RSPO2: variants seen among roughly 807,000 people sequenced by gnomAD.
The protein encoded by RSPO2 is R-spondin 2.
Under a neutral mutation model 30.9 loss-of-function variants are expected in RSPO2, and 14 were observed. The ratio of observed to expected loss-of-function variants is 0.45; its 90% CI spans 0.30 to 0.71. The LOEUF is 0.71. Ranked by LOEUF, RSPO2 falls within the 30% of genes least tolerant of loss-of-function variation. The probability of loss-of-function intolerance (pLI) is 0.08; values close to 1 mark genes in which losing one functional copy is unlikely to be tolerated. For synonymous variants in RSPO2, 107 were observed against 96.4 expected, an observed-to-expected ratio of 1.11 and a Z score of -0.64; for missense variants, 264 against 301.9, an observed-to-expected ratio of 0.87 and a Z score of 0.93.
At chr8:107,905,217 T>A (rs1811599421) in intron 5 of RSPO2, among the ~76,000 whole-genome samples, 1 of 152,074 alleles carries the variant, frequency 6.6e-6, no homozygotes, top group Non-Finnish European at 1.5e-5. Flanking sequence ...ACTGGAAAAA[T>A]GTTTCTTGTA....
intron 2 of RSPO2, among the ~76,000 whole-genome samples, chr8:108,060,945 G>A (rs1489467438): frequency 6.6e-6 from 1 of 151,684 alleles, no homozygotes; most frequent in Non-Finnish European, 1.5e-5. Context: ...AGCTTCATAA[G>A]TGAAGGAGAA....
chr8:107,939,606 T>C (rs1471232850), intron 5 of RSPO2, among the ~76,000 whole-genome samples: 2 of 151,754 alleles, frequency 1.3e-5, no homozygotes, highest in African/African-American at 2.4e-5. Flanking sequence ...GAGAGTAAAG[T>C]ACTAACAGTT....
intron 5 of RSPO2, among the ~76,000 whole-genome samples, chr8:107,953,289 C>T (rs2130418276): frequency 1.3e-5 from 2 of 152,242 alleles, no homozygotes; most frequent in South Asian, 4.1e-4. Context: ...AGAGGGCTGG[C>T]TTTGAAAGAT....
chr8:108,015,894 T>C (rs951626940), intron 2 of RSPO2, among the ~76,000 whole-genome samples: 4 of 152,034 alleles, frequency 2.6e-5, no homozygotes, highest in Non-Finnish European at 4.4e-5. Flanking sequence ...CCAAGAAAAA[T>C]AAGACGCCAA....
chr8:107,910,636 T>C (rs868779491), intron 5 of RSPO2, among the ~76,000 whole-genome samples: 9 of 152,176 alleles, frequency 5.9e-5, no homozygotes, highest in Non-Finnish European at 2.9e-5. Context: ...GGATGTATGC[T>C]CCACAAAGAA....
At chr8:108,024,028 C>T (rs1811129133) in intron 2 of RSPO2, among the ~76,000 whole-genome samples, 1 of 152,076 alleles carries the variant, frequency 6.6e-6, no homozygotes, top group Admixed American at 6.5e-5. Flanking sequence ...ACTAAAATTT[C>T]ATGGTGTGTT....
chr8:107,976,404 G>T (rs926282016), intron 3 of RSPO2, among the ~76,000 whole-genome samples: 1 of 152,222 alleles, frequency 6.6e-6, no homozygotes. Flanking sequence ...CTCTGAGCTT[G>T]TCAGAGTGCA....
intron 2 of RSPO2, among the ~76,000 whole-genome samples, chr8:108,005,609 CTTTG>C (rs1388017126): frequency 6.6e-6 from 1 of 152,044 alleles, no homozygotes; most frequent in African/African-American, 2.4e-5. Context: ...CTGTTACTGT[CTTTG>C]TTTAATACTC....
intron 5 of RSPO2, among the ~76,000 whole-genome samples, chr8:107,912,178 T>C (rs1811846728): frequency 6.6e-6 from 1 of 152,128 alleles, no homozygotes; most frequent in Admixed American, 6.6e-5. Context: ...AAACCTGTGG[T>C]TCCAAAAGCC....
At chr8:107,970,362 A>G (rs1813953099) in intron 3 of RSPO2, among the ~76,000 whole-genome samples, 2 of 152,182 alleles carry the variant, frequency 1.3e-5, no homozygotes, top group African/African-American at 4.8e-5. Flanking sequence ...GGCCCTAACA[A>G]AAAGATAGCA....
chr8:108,034,784 T>C (rs1345207304), intron 2 of RSPO2, among the ~76,000 whole-genome samples: 2 of 152,178 alleles, frequency 1.3e-5, no homozygotes, highest in African/African-American at 4.8e-5. Context: ...AATTGTGAAA[T>C]GGCCAGTCTG....
chr8:108,038,623 T>TA (rs1167995270), intron 2 of RSPO2, among the ~76,000 whole-genome samples: 3 of 152,072 alleles, frequency 2.0e-5, no homozygotes, highest in East Asian at 1.9e-4. Context: ...TGTCTTCTTT[T>TA]AAAAAAACTG....
chr8:108,044,715 T>C (rs375831953), intron 2 of RSPO2, among the ~76,000 whole-genome samples: 1 of 152,260 alleles, frequency 6.6e-6, no homozygotes, highest in African/African-American at 2.4e-5. Context: ...TCTTTGGGTA[T>C]ATACGTGGTA....
At chr8:107,962,434 T>C (rs1813658123) in intron 3 of RSPO2, among the ~76,000 whole-genome samples, 1 of 152,174 alleles carries the variant, frequency 6.6e-6, no homozygotes, top group Non-Finnish European at 1.5e-5. Context: ...ACTTCTAAAA[T>C]GTTACCAAAT....
intron 5 of RSPO2, among the ~76,000 whole-genome samples, chr8:107,920,282 A>G (rs1812116070): frequency 6.6e-6 from 1 of 152,170 alleles, no homozygotes; most frequent in African/African-American, 2.4e-5. Flanking sequence ...TAATTCACTG[A>G]GATCACAAAT....
At chr8:108,056,928 A>G (rs1812266757) in intron 2 of RSPO2, among the ~76,000 whole-genome samples, 3 of 151,116 alleles carry the variant, frequency 2.0e-5, no homozygotes, top group South Asian at 4.2e-4. Flanking sequence ...ATGGTGGCAC[A>G]TGCCCGTAAT....
At chr8:107,908,095 T>C (rs1255567953) in intron 5 of RSPO2, among the ~76,000 whole-genome samples, 1 of 152,148 alleles carries the variant, frequency 6.6e-6, no homozygotes, top group Non-Finnish European at 1.5e-5. Context: ...ATGAACTGTA[T>C]TTACCAGTAC....
At chr8:107,911,535 C>A (rs2130274990) in intron 5 of RSPO2, among the ~76,000 whole-genome samples, 1 of 152,250 alleles carries the variant, frequency 6.6e-6, no homozygotes, top group South Asian at 2.1e-4. Context: ...ATGATGCCTG[C>A]TTCAGCATCT....
intron 2 of RSPO2, among the ~76,000 whole-genome samples, chr8:108,080,493 G>A (rs1341786680): frequency 6.6e-6 from 1 of 152,288 alleles, no homozygotes; most frequent in Admixed American, 6.5e-5. Flanking sequence ...GATGGTAATC[G>A]TTACAAGAGA....
Sources: gnomAD v4.1 joint callset for allele counts (sites outside exome capture counted in the v4.1 genomes callset) on GRCh38, gnomAD v4.1.1 for gene constraint, MANE v1.5 for transcripts, NCBI Gene and HGNC (gene_info 2026-07-23, HGNC 2026-07-21) for gene names.